CNKSR2: variants seen among roughly 807,000 people sequenced by gnomAD.
CNKSR2 encodes connector enhancer of kinase suppressor of Ras 2.
In CNKSR2, 14 loss-of-function variants were observed where a neutral mutation model predicts 84.4. That is an observed-to-expected ratio of 0.17 (90% CI 0.11 to 0.26). CNKSR2 has a LOEUF of 0.26. CNKSR2 is among the 10% of genes least tolerant of loss of function. The probability of loss-of-function intolerance (pLI) is 1.00; values close to 1 mark genes in which losing one functional copy is unlikely to be tolerated. For missense variants in CNKSR2, 485 were observed against 771.2 expected (o/e 0.63, Z 4.40); for synonymous variants, 275 against 277.9 (o/e 0.99, Z 0.10).
chrX:21,516,418 G>A (rs1314181273), intron 8 of CNKSR2, 67 bp from the exon 9 acceptor site: 3 of 1,053,422 alleles, frequency 2.8e-6, no homozygotes, highest in Non-Finnish European at 3.9e-6. Flanking sequence ...TCTTATTAAA[G>A]GGGGAGAACA....
chrX:21,390,196 C>T (rs2090029422), intron 1 of CNKSR2, among the ~76,000 whole-genome samples: 1 of 111,479 alleles, frequency 9.0e-6, no homozygotes. Context: ...GTAAATAAAT[C>T]TTGTGGTTTA....
chrX:21,423,913 T>A (rs774637508), intron 1 of CNKSR2: 1 of 111,375 alleles, frequency 9.0e-6, no homozygotes, highest in Non-Finnish European at 1.9e-5. Context: ...TATGTTTCTA[T>A]CTCTCTTTAC....
In CNKSR2 at chrX:21,437,392, C is replaced by G. The variant is rs144113567; in HGVS notation, c.432-3302C>G. 4.1e-3 allele frequency among the ~76,000 whole-genome samples: 438 copies of G among 105,630 alleles called. 3 individuals carry two copies. Among genetic ancestry groups the G allele is most frequent in the African/African-American group, 0.014 (416 of 29,178 alleles). 91.7% of individuals were successfully genotyped at this position (105,630 alleles called of 115,157 possible). ...GTTTAAAATGCCAGTTTTTATGCTT[C>G]AATGCAGCAAAAATGGTCTCTATGT... On this transcript the variant is annotated intron_variant, in intron 3 of 21. Coordinates refer to ENST00000379510, the MANE Select transcript of CNKSR2 (RefSeq NM_014927.5).
chrX:21,494,048 A>C (rs930719077), intron 6 of CNKSR2: 7 of 111,325 alleles, frequency 6.3e-5, no homozygotes, highest in Non-Finnish European at 1.3e-4. Flanking sequence ...TAAATTGTAC[A>C]ATGTTGTCAT....
chrX:21,385,763 G>A (rs2089959479), intron 1 of CNKSR2, among the ~76,000 whole-genome samples: 1 of 111,621 alleles, frequency 9.0e-6, no homozygotes, highest in African/African-American at 3.3e-5. Context: ...ACTTTTCAAA[G>A]ATGTGTATGT....
chrX:21,535,113 C>G (rs2091916226), intron 11 of CNKSR2, among the ~76,000 whole-genome samples: 1 of 111,072 alleles, frequency 9.0e-6, no homozygotes, highest in Admixed American at 9.6e-5. Context: ...CCAGTTTTCC[C>G]AGCCCTATTT....
chrX:21,453,869 AC>A (rs1432628691), intron 4 of CNKSR2, among the ~76,000 whole-genome samples: 1 of 110,876 alleles, frequency 9.0e-6, no homozygotes, highest in African/African-American at 3.3e-5. Flanking sequence ...GGTACTACAT[AC>A]CTTTCAACAA....
At chrX:21,401,704 C>A (rs2090193829) in intron 1 of CNKSR2, among the ~76,000 whole-genome samples, 1 of 111,745 alleles carries the variant, frequency 8.9e-6, no homozygotes, top group Non-Finnish European at 1.9e-5. Flanking sequence ...TTTTTTACCA[C>A]CTTTGTTTTT....
At chrX:21,588,288 G>A (rs1048047064) in intron 13 of CNKSR2, among the ~76,000 whole-genome samples, 4 of 112,084 alleles carry the variant, frequency 3.6e-5, no homozygotes, top group African/African-American at 6.5e-5. Flanking sequence ...GATGCCAACC[G>A]AGGGCAAATA....
chrX:21,379,074 A>G (rs1248074555), intron 1 of CNKSR2, among the ~76,000 whole-genome samples: 1 of 112,293 alleles, frequency 8.9e-6, no homozygotes, highest in Non-Finnish European at 1.9e-5. Context: ...AGCAAAACCA[A>G]TGTTTTGTAT....
chrX:21,568,408 T>A (rs1337447939), intron 13 of CNKSR2, among the ~76,000 whole-genome samples: 2 of 112,314 alleles, frequency 1.8e-5, no homozygotes, highest in African/African-American at 6.5e-5. Flanking sequence ...ATAAACTGAA[T>A]ACTGATGTAA....
Position 21,600,112 on chromosome X carries a change from C to G in CNKSR2, c.1977-1170C>G, listed in dbSNP as rs188327607. On this transcript the variant is annotated intron_variant, in intron 17 of 21. Coordinates refer to ENST00000379510, the MANE Select transcript of CNKSR2 (RefSeq NM_014927.5). ...TTAGGTTTTAATTGACCTATTCTTACAATTAAAGCTTAAATTTCCATAGAT... is the reference window on the plus strand; with the variant it reads ...TTAGGTTTTAATTGACCTATTCTTAGAATTAAAGCTTAAATTTCCATAGAT... Among the ~76,000 whole-genome samples the G allele has an allele frequency of 7.4e-3, 829 of 111,938 alleles. 19 individuals are homozygous for G. Among genetic ancestry groups the G allele is most frequent in the Admixed American group, 0.072 (762 of 10,522 alleles).
intron 1 of CNKSR2, among the ~76,000 whole-genome samples, chrX:21,404,336 T>C (rs768390448): frequency 8.9e-6 from 1 of 111,866 alleles, no homozygotes; most frequent in African/African-American, 3.2e-5. Context: ...TTTAATGTTC[T>C]GTCTGTCATT....
intron 5 of CNKSR2, among the ~76,000 whole-genome samples, chrX:21,484,229 T>G (rs2091355297): frequency 9.0e-6 from 1 of 111,652 alleles, no homozygotes; most frequent in Non-Finnish European, 1.9e-5. Flanking sequence ...AGTCAGAGGC[T>G]GCAGTGAGCT....
intron 12 of CNKSR2, among the ~76,000 whole-genome samples, chrX:21,561,967 C>T (rs1244625482): frequency 4.6e-5 from 5 of 108,264 alleles, no homozygotes; most frequent in African/African-American, 1.3e-4. Context: ...CATTGAAGCA[C>T]ATGGGTTAAA....
chrX:21,574,755 G>A (rs1268867378), intron 13 of CNKSR2, among the ~76,000 whole-genome samples: 1 of 111,718 alleles, frequency 9.0e-6, no homozygotes, highest in Non-Finnish European at 1.9e-5. Context: ...GTGCAATCAT[G>A]TTCATATCGC....
chrX:21,586,744 G>A (rs1390549925), intron 13 of CNKSR2, among the ~76,000 whole-genome samples: 1 of 111,419 alleles, frequency 9.0e-6, no homozygotes, highest in Non-Finnish European at 1.9e-5. Flanking sequence ...CACTGGAAAT[G>A]TAAAATATAT....
At chrX:21,442,218 C>T (rs2147087691) in intron 4 of CNKSR2, among the ~76,000 whole-genome samples, 1 of 109,169 alleles carries the variant, frequency 9.2e-6, no homozygotes, top group East Asian at 2.9e-4. Context: ...CTCCCCAACA[C>T]TTTCCTCATC....
chrX:21,483,615 T>A (rs1030570678), intron 5 of CNKSR2, among the ~76,000 whole-genome samples: 1 of 102,621 alleles, frequency 9.7e-6, no homozygotes, highest in Non-Finnish European at 1.9e-5. Flanking sequence ...TATATATATA[T>A]AAAAGAAATT....
Sources: allele counts gnomAD v4.1 joint callset (sites outside exome capture counted in the v4.1 genomes callset), GRCh38; gene constraint gnomAD v4.1.1; transcripts MANE v1.5; gene names NCBI Gene and HGNC (gene_info 2026-07-23, HGNC 2026-07-21).